Variants in CNTLN observed in about 807,000 individuals in gnomAD.
The protein encoded by CNTLN is centlein, also known as centlein, centrosomal protein.
A neutral mutation model predicts 180.0 loss-of-function variants in CNTLN; 212 were observed. The ratio of observed to expected loss-of-function variants is 1.18; its 90% confidence interval spans 1.05 to 1.32. CNTLN has a LOEUF of 1.32. CNTLN is among the 40% of genes most tolerant of loss of function. The pLI is 0.00. For synonymous variants in CNTLN, 722 were observed against 563.1 expected, an observed-to-expected ratio of 1.28 and a Z score of -3.99; for missense variants, 2,095 against 1,610.9, an observed-to-expected ratio of 1.30 and a Z score of -5.14.
rs1365119414 is a variant in CNTLN, at chr9:17,459,583, G to A, written c.3306+1868G>A. On this transcript the variant is annotated intron_variant, in intron 19 of 25. Coordinates refer to ENST00000380647, the MANE Select transcript of CNTLN (RefSeq NM_017738.4). Reference sequence around the variant, plus strand: ...TTTGATGCTGGTTTGTAGAGATTCCGTAACAAAATACCACAGACTGGTTAT... The same window carrying A: ...TTTGATGCTGGTTTGTAGAGATTCCATAACAAAATACCACAGACTGGTTAT... Among the ~76,000 whole-genome samples the A allele has an allele frequency of 2.6e-5, 4 of 151,736 alleles. No homozygotes were observed. The East Asian group carries it at 5.8e-4, about 22-fold the overall frequency.
intron 8 of CNTLN, among the ~76,000 whole-genome samples, chr9:17,312,384 A>ATATATAATATATATATATATATATT (rs1563985021): frequency 9.3e-6 from 1 of 108,104 alleles, no homozygotes; most frequent in African/African-American, 3.6e-5. Context: ...ATATATATAT[A>ATATATAATATATATATATATATATT]ATTTATTTAT....
chr9:17,178,361 C>T (rs979383795), intron 2 of CNTLN, among the ~76,000 whole-genome samples: 2 of 152,208 alleles, frequency 1.3e-5, no homozygotes, highest in Non-Finnish European at 2.9e-5. Flanking sequence ...CAGTGGATCC[C>T]GCACCCGGGC....
At chr9:17,480,933 T>C (rs553855191) in intron 23 of CNTLN, among the ~76,000 whole-genome samples, 68 of 152,330 alleles carry the variant, frequency 4.5e-4, no homozygotes, top group African/African-American at 1.6e-3. Flanking sequence ...TTAAGCTATG[T>C]GTGTAATACA....
chr9:17,295,593 G>A (rs1442735458), intron 6 of CNTLN, among the ~76,000 whole-genome samples: 1 of 152,132 alleles, frequency 6.6e-6, no homozygotes, highest in African/African-American at 2.4e-5. Flanking sequence ...GTTCTTCTTG[G>A]TGGGGGGCCT....
intron 2 of CNTLN, among the ~76,000 whole-genome samples, chr9:17,215,506 C>A (rs898756646): frequency 1.3e-5 from 2 of 152,200 alleles, no homozygotes; most frequent in South Asian, 4.1e-4. Context: ...GTCAGGGAAC[C>A]ACTTGAGGAG....
chr9:17,458,988 TC>T (rs1400820323), intron 19 of CNTLN, among the ~76,000 whole-genome samples: 4 of 151,806 alleles, frequency 2.6e-5, no homozygotes, highest in Non-Finnish European at 5.9e-5. Context: ...TATTCCTTGA[TC>T]TTATCTATCA....
intron 2 of CNTLN, among the ~76,000 whole-genome samples, chr9:17,148,461 C>T (rs1436250987): frequency 6.6e-6 from 1 of 152,146 alleles, no homozygotes; most frequent in East Asian, 1.9e-4. Flanking sequence ...ATTGTTGATT[C>T]ATTGACGTCG....
chr9:17,520,469 C>T, the CNTLN span, among the ~76,000 whole-genome samples: 223 of 152,284 alleles, frequency 1.5e-3, no homozygotes, highest in African/African-American at 5.2e-3. Flanking sequence ...AGAATAACAG[C>T]TTAGCTTTTC....
rs548793249 is a variant in CNTLN, at chr9:17,155,520, C to T, written c.449+12144C>T. 2.0e-5 allele frequency among the ~76,000 whole-genome samples: 3 copies of T among 152,334 alleles called. No individual in the cohort carries two copies. In the South Asian group the frequency reaches 6.2e-4, roughly 32 times the overall value. ...AGCAGTTTTGCTGAGCTGCAGTGGGCTCTGCCCAGTTCGAACTTCCCAGCA... is the reference window on the plus strand; with the variant it reads ...AGCAGTTTTGCTGAGCTGCAGTGGGTTCTGCCCAGTTCGAACTTCCCAGCA... On this transcript the variant is annotated intron_variant, in intron 2 of 25. Transcript: ENST00000380647.
At chr9:17,211,128 C>A (rs1053135040) in intron 2 of CNTLN, among the ~76,000 whole-genome samples, 11 of 152,088 alleles carry the variant, frequency 7.2e-5, no homozygotes, top group African/African-American at 2.7e-4. Flanking sequence ...GAAGTCCTTG[C>A]CCATGCCTAT....
intron 5 of CNTLN, among the ~76,000 whole-genome samples, chr9:17,266,309 C>T (rs576978838): frequency 9.9e-5 from 15 of 152,188 alleles, no homozygotes; most frequent in Admixed American, 2.0e-4. Flanking sequence ...AGTAGTCACT[C>T]AGGACCAGGT....
intron 12 of CNTLN, among the ~76,000 whole-genome samples, chr9:17,348,877 T>C (rs1190229941): frequency 1.3e-5 from 2 of 152,120 alleles, no homozygotes; most frequent in African/African-American, 2.4e-5. Flanking sequence ...TGTTTTGTTT[T>C]TTCCCCCTAG....
At chr9:17,493,931 G>A (rs1833305423) in intron 25 of CNTLN, among the ~76,000 whole-genome samples, 1 of 152,196 alleles carries the variant, frequency 6.6e-6, no homozygotes, top group Non-Finnish European at 1.5e-5. Flanking sequence ...GTTGCGTTCT[G>A]TCTCACGTTA....
chr9:17,494,016 G>T (rs997883595), intron 25 of CNTLN, among the ~76,000 whole-genome samples: 1 of 152,114 alleles, frequency 6.6e-6, no homozygotes, highest in African/African-American at 2.4e-5. Flanking sequence ...AAGATAGAAA[G>T]AATACCACCT....
chr9:17,434,933 T>A (rs1286045673), intron 18 of CNTLN, among the ~76,000 whole-genome samples: 1 of 152,150 alleles, frequency 6.6e-6, no homozygotes, highest in Non-Finnish European at 1.5e-5. Flanking sequence ...AATTAGCATA[T>A]CCCTATAAGT....
In CNTLN at chr9:17,330,655, A is replaced by C; in HGVS notation, c.1365A>C (p.Ser455=). ...SAQVPHRPSL[S]SLETLMVSQK... ...AGGTACCTCATCGCCCATCCTTATC[A>C]AGCTTAGAAACGTTAATGGTTTCAC... The change falls in exon 9 of 26, where the codon TCA becomes TCC. Residue 455 remains serine, a synonymous_variant. Transcript: ENST00000380647. 6.2e-7 allele frequency: 1 copy of C among 1,600,678 alleles called. No homozygotes were observed. The highest frequency in any genetic ancestry group is 8.5e-7 in the Non-Finnish European group (1 of 1,174,140).
At chr9:17,346,317 G>A (rs1388475267) in intron 12 of CNTLN, among the ~76,000 whole-genome samples, 1 of 151,934 alleles carries the variant, frequency 6.6e-6, no homozygotes, top group Non-Finnish European at 1.5e-5. Context: ...GGGAACACAT[G>A]AGAACACACT....
chr9:17,394,637 T>A lies in CNTLN; in HGVS notation c.2183T>A (p.Leu728His). 1.2e-6 allele frequency: 2 copies of A among 1,610,462 alleles called. No individual in the cohort carries two copies. Among genetic ancestry groups the A allele is most frequent in the Non-Finnish European group, 1.7e-6 (2 of 1,178,806 alleles). ...LMKENDFLKS[L>H]LKQQQEDTET... ...AAAGAAAATGATTTTCTGAAATCCC[T>A]CTTAAAACAGCAACAAGAAGATACA... Residue 728 changes from leucine (L) to histidine (H), a missense_variant, in exon 15 of 26, where the codon CTC becomes CAC. By Grantham distance (99) the Leu-to-His change is moderately conservative. Transcript: ENST00000380647.
At chr9:17,470,584 T>C (rs1832001694) in intron 23 of CNTLN, among the ~76,000 whole-genome samples, 1 of 151,856 alleles carries the variant, frequency 6.6e-6, no homozygotes, top group African/African-American at 2.4e-5. Context: ...TGAAATCAAG[T>C]ACTTTGAGCA....
Sources: allele counts gnomAD v4.1 joint callset (sites outside exome capture counted in the v4.1 genomes callset), GRCh38; gene constraint gnomAD v4.1.1; transcripts MANE v1.5; gene names NCBI Gene and HGNC (gene_info 2026-07-23, HGNC 2026-07-21).